The following DACH1 variants were observed in gnomAD, a reference collection of about 807,000 sequenced individuals.
DACH1 encodes the protein dachshund family transcription factor 1.
A neutral mutation model predicts 54.2 loss-of-function variants in DACH1; 12 were observed. The observed-to-expected ratio is 0.22, with a 90% CI of 0.14 to 0.36. The LOEUF (loss-of-function observed/expected upper bound fraction) is 0.36. Among genes scored for constraint, DACH1 ranks in the 10% least tolerant of loss-of-function variants. DACH1 has a pLI of 1.00. For synonymous variants in DACH1, 386 were observed against 366.2 expected, an observed-to-expected ratio of 1.05 and a Z score of -0.62; for missense variants, 805 against 929.8, an observed-to-expected ratio of 0.87 and a Z score of 1.75.
chr13:71,535,627 A>G (rs1240169164), intron 6 of DACH1, among the ~76,000 whole-genome samples: 1 of 151,936 alleles, frequency 6.6e-6, no homozygotes, highest in Admixed American at 6.6e-5. Flanking sequence ...TTGATGCTGA[A>G]TTTATTTTCC....
intron 3 of DACH1, among the ~76,000 whole-genome samples, chr13:71,582,774 C>T (rs968406606): frequency 8.5e-5 from 13 of 152,066 alleles, no homozygotes; most frequent in African/African-American, 2.9e-4. Flanking sequence ...ACATTCTATT[C>T]GAAGCACTTT....
chr13:71,625,233 T>C (rs138929204), intron 3 of DACH1, among the ~76,000 whole-genome samples: 1 of 152,116 alleles, frequency 6.6e-6, no homozygotes, highest in Admixed American at 6.6e-5. Flanking sequence ...CATCTAATTA[T>C]AGGAAGGATT....
At chr13:71,512,110 C>A (rs868395651) in intron 6 of DACH1, among the ~76,000 whole-genome samples, 1 of 151,766 alleles carries the variant, frequency 6.6e-6, no homozygotes, top group Non-Finnish European at 1.5e-5. Context: ...GGAAATTCAA[C>A]CCAGAACCCA....
At chr13:71,455,663 A>G (rs977154023) in intron 10 of DACH1, among the ~76,000 whole-genome samples, 13 of 152,154 alleles carry the variant, frequency 8.5e-5, no homozygotes, top group Non-Finnish European at 1.9e-4. Context: ...AAGTTGTTAC[A>G]GTTTAATGAA....
chr13:71,476,294 G>C (rs1350491010), intron 8 of DACH1, among the ~76,000 whole-genome samples: 1 of 152,094 alleles, frequency 6.6e-6, no homozygotes, highest in Non-Finnish European at 1.5e-5. Context: ...CCAGCAAATG[G>C]AGCATCTCCC....
At chr13:71,585,669 G>A (rs762403619) in intron 3 of DACH1, among the ~76,000 whole-genome samples, 1 of 152,142 alleles carries the variant, frequency 6.6e-6, no homozygotes, top group Non-Finnish European at 1.5e-5. Context: ...GAAGGAATTA[G>A]GTAGGCTAGG....
chr13:71,796,353 A>C (rs1887050060), intron 1 of DACH1, among the ~76,000 whole-genome samples: 1 of 152,148 alleles, frequency 6.6e-6, no homozygotes, highest in Admixed American at 6.6e-5. Flanking sequence ...CTATAAGCAG[A>C]TAAACCTATA....
chr13:71,807,975 A>G (rs1464832187), intron 1 of DACH1, among the ~76,000 whole-genome samples: 2 of 152,142 alleles, frequency 1.3e-5, no homozygotes, highest in Non-Finnish European at 2.9e-5. Context: ...ATGTAGTCGG[A>G]GTAATTTATT....
At chr13:71,445,982 T>C (rs2138103802) in intron 10 of DACH1, among the ~76,000 whole-genome samples, 1 of 152,266 alleles carries the variant, frequency 6.6e-6, no homozygotes, top group African/African-American at 2.4e-5. Context: ...ATAATAATGG[T>C]CCCAATATTC....
At chr13:71,581,707 G>A (rs942989499) in intron 3 of DACH1, among the ~76,000 whole-genome samples, 8 of 151,996 alleles carry the variant, frequency 5.3e-5, no homozygotes, top group African/African-American at 1.9e-4. Flanking sequence ...TCAGCATCTA[G>A]ATTAACAATT....
intron 1 of DACH1, among the ~76,000 whole-genome samples, chr13:71,731,384 C>A (rs186136266): frequency 0.014 from 2,075 of 151,632 alleles, 32 homozygotes; most frequent in African/African-American, 0.034. Context: ...CTCCACCTCC[C>A]GGGTTCATGC....
intron 1 of DACH1, among the ~76,000 whole-genome samples, chr13:71,696,708 C>T (rs1881852342): frequency 6.6e-6 from 1 of 151,842 alleles, no homozygotes; most frequent in Admixed American, 6.6e-5. Flanking sequence ...CCACCACACC[C>T]GACTAATTTT....
intron 1 of DACH1, among the ~76,000 whole-genome samples, chr13:71,862,106 A>G (rs1874399368): frequency 6.6e-6 from 1 of 151,994 alleles, no homozygotes; most frequent in Admixed American, 6.6e-5. Context: ...ACTGGAATCT[A>G]CTTAAGTTAA....
chr13:71,768,375 T>C (rs748851230), intron 1 of DACH1, among the ~76,000 whole-genome samples: 1 of 151,974 alleles, frequency 6.6e-6, no homozygotes, highest in Non-Finnish European at 1.5e-5. Context: ...GTTTAGGATG[T>C]GCCAAGATGT....
rs541710258 is a variant in DACH1 at position 71,606,941 on chromosome 13, G to A, written c.1126+23615C>T. 4.6e-5 allele frequency among the ~76,000 whole-genome samples: 7 copies of A among 152,060 alleles called. No homozygotes were observed. In the South Asian group the frequency reaches 1.2e-3, roughly 27 times the overall value. ...TTTAGTTTGAGCATTTTGAAGTAGT[G>A]AGCCTTTTGATTTAGTTTTTAAAGC... On this transcript the variant is annotated intron_variant, in intron 3 of 10. Coordinates refer to ENST00000613252, the MANE Select transcript of DACH1 (RefSeq NM_080759.6).
chr13:71,737,079 C>T (rs757141202), intron 1 of DACH1, among the ~76,000 whole-genome samples: 12 of 151,894 alleles, frequency 7.9e-5, no homozygotes, highest in Middle Eastern at 3.2e-3. Flanking sequence ...GGTGAAACCC[C>T]GTCTCTACTA....
At chr13:71,530,454 TA>T (rs147404157) in intron 6 of DACH1, among the ~76,000 whole-genome samples, 5,091 of 150,048 alleles carry the variant, frequency 0.034, 297 homozygotes, top group African/African-American at 0.12. Flanking sequence ...GACACTAATT[TA>T]AAAAAAAAAG....
At chr13:71,847,799 G>T (rs944124877) in intron 1 of DACH1, among the ~76,000 whole-genome samples, 4 of 152,096 alleles carry the variant, frequency 2.6e-5, no homozygotes, top group Non-Finnish European at 5.9e-5. Flanking sequence ...TTAACATAAG[G>T]CACTGCAATC....
chr13:71,553,866 C>T (rs1884065567), intron 6 of DACH1, among the ~76,000 whole-genome samples: 1 of 151,568 alleles, frequency 6.6e-6, no homozygotes. Flanking sequence ...GTTTAAGTTA[C>T]TGATGCTTAA....
Sources: allele counts gnomAD v4.1 joint callset (sites outside exome capture counted in the v4.1 genomes callset), GRCh38; gene constraint gnomAD v4.1.1; transcripts MANE v1.5; gene names NCBI Gene and HGNC (gene_info 2026-07-23, HGNC 2026-07-21).